CSMD1: variants seen among roughly 807,000 people sequenced by gnomAD.
The protein encoded by CSMD1 is CUB and Sushi multiple domains 1, also known as CUB and sushi domain-containing protein 1.
Under a neutral mutation model 417.5 loss-of-function variants are expected in CSMD1, and 213 were observed. The observed-to-expected ratio is 0.51, with a 90% CI of 0.46 to 0.57. The LOEUF (loss-of-function observed/expected upper bound fraction) is 0.57, where lower values mean the gene tolerates loss of function less well. CSMD1 is among the 20% of genes least tolerant of loss of function. CSMD1 has a pLI of 0.00. For missense variants in CSMD1, 6,923 were observed against 4,529.7 expected, an observed-to-expected ratio of 1.53 and a Z score of -15.17; for synonymous variants, 2,862 against 1,736.8, an observed-to-expected ratio of 1.65 and a Z score of -16.11.
chr8:3,276,127 T>G (rs1180962140), intron 26 of CSMD1, among the ~76,000 whole-genome samples: 1 of 152,190 alleles, frequency 6.6e-6, no homozygotes, highest in Non-Finnish European at 1.5e-5. Context: ...TCATTTCTGT[T>G]TGTTAGTTTT....
Position 4,951,443 on chromosome 8 carries a change from GGGAA to G in CSMD1, c.85+42885_85+42888del, listed in dbSNP as rs574475886. 1.0e-4 allele frequency among the ~76,000 whole-genome samples: 15 copies of G among 145,944 alleles called. No homozygotes were observed. The South Asian group carries it at 2.4e-3, about 23-fold the overall frequency. On this transcript the variant is annotated intron_variant, in intron 1 of 69. Coordinates refer to ENST00000635120, the MANE Select transcript of CSMD1 (RefSeq NM_033225.6). ...AAAAAAAAAGAAAAAGAAAGAAAGA[GGGAA>G]GGAAGGAAGGAAAGAAGGAAGGAAG...
At chr8:3,418,222 G>C (rs768457310) in intron 12 of CSMD1, among the ~76,000 whole-genome samples, 21 of 152,068 alleles carry the variant, frequency 1.4e-4, no homozygotes, top group Non-Finnish European at 2.6e-4. Context: ...CCCTTTTGTG[G>C]CCCCAGTGTG....
chr8:4,922,815 G>A (rs924771716), intron 1 of CSMD1, among the ~76,000 whole-genome samples: 3 of 152,100 alleles, frequency 2.0e-5, no homozygotes, highest in African/African-American at 7.2e-5. Flanking sequence ...TTCTACACAG[G>A]GAAATGACTT....
rs570619768 is a variant in CSMD1, at chr8:4,899,353, C to G, written c.85+94979G>C. Among the ~76,000 whole-genome samples, 30 of 151,866 alleles carry G rather than the reference C, an allele frequency of 2.0e-4. No individual in the cohort carries two copies. The East Asian group carries it at 5.2e-3, about 26-fold the overall frequency. On this transcript the variant is annotated intron_variant, in intron 1 of 69. Transcript: ENST00000635120. ...GTGGCATACACTAACAAAAAGTGAGCCACTCAAAATAAAGATGAAATATAC... is the reference window on the plus strand; with the variant it reads ...GTGGCATACACTAACAAAAAGTGAGGCACTCAAAATAAAGATGAAATATAC...
chr8:3,091,173 T>A (rs1814919142), intron 48 of CSMD1, among the ~76,000 whole-genome samples: 1 of 152,038 alleles, frequency 6.6e-6, no homozygotes. Context: ...TTAATAGAAA[T>A]ACAATTATCT....
At chr8:4,381,301 G>A (rs769247195) in intron 3 of CSMD1, among the ~76,000 whole-genome samples, 1 of 152,136 alleles carries the variant, frequency 6.6e-6, no homozygotes, top group South Asian at 2.1e-4. Context: ...GGAAACCACT[G>A]GGTGGGGAAT....
chr8:3,231,544 G>C (rs1007934611), intron 26 of CSMD1, among the ~76,000 whole-genome samples: 1 of 151,978 alleles, frequency 6.6e-6, no homozygotes, highest in African/African-American at 2.4e-5. Flanking sequence ...TAGATAAATG[G>C]AATAATAAAA....
chr8:4,972,334 G>A (rs545417356), intron 1 of CSMD1, among the ~76,000 whole-genome samples: 1 of 152,116 alleles, frequency 6.6e-6, no homozygotes, highest in Admixed American at 6.5e-5. Context: ...ATCCCCAAGT[G>A]TCAAGGGGGA....
At chr8:4,078,899 A>ATATG (rs1489055806) in intron 3 of CSMD1, among the ~76,000 whole-genome samples, 4 of 10,316 alleles carry the variant, frequency 3.9e-4, no homozygotes, top group African/African-American at 1.2e-3. Context: ...AATAATAAAT[A>ATATG]TATATATATA....
chr8:3,267,475 G>A (rs960006344), intron 26 of CSMD1, among the ~76,000 whole-genome samples: 9 of 152,306 alleles, frequency 5.9e-5, no homozygotes, highest in African/African-American at 2.2e-4. Context: ...TGGTAAACAA[G>A]CTGCCAGGCG....
chr8:4,165,209 C>A (rs1488246459), intron 3 of CSMD1, among the ~76,000 whole-genome samples: 1 of 152,190 alleles, frequency 6.6e-6, no homozygotes, highest in East Asian at 1.9e-4. Flanking sequence ...CAAAGAGCTA[C>A]ACACCCTCCA....
chr8:4,641,254 T>G (rs1431173047), intron 1 of CSMD1, among the ~76,000 whole-genome samples: 1 of 152,076 alleles, frequency 6.6e-6, no homozygotes, highest in Non-Finnish European at 1.5e-5. Context: ...GCCATAATTT[T>G]AGGCAACTGG....
intron 3 of CSMD1, among the ~76,000 whole-genome samples, chr8:4,270,241 A>C (rs1395295317): frequency 1.3e-5 from 2 of 152,102 alleles, no homozygotes; most frequent in Admixed American, 1.3e-4. Context: ...TTTCTTTCTC[A>C]TGTCTCTTAC....
chr8:3,536,519 C>A (rs890845224), intron 10 of CSMD1, among the ~76,000 whole-genome samples: 13 of 152,162 alleles, frequency 8.5e-5, no homozygotes, highest in African/African-American at 3.1e-4. Flanking sequence ...AGGGTATCTT[C>A]GAGGATTGGC....
chr8:4,366,342 G>C (rs991627862), intron 3 of CSMD1, among the ~76,000 whole-genome samples: 1 of 151,756 alleles, frequency 6.6e-6, no homozygotes, highest in African/African-American at 2.4e-5. Context: ...GGTGAACATC[G>C]TGGCTGATTC....
intron 26 of CSMD1, among the ~76,000 whole-genome samples, chr8:3,231,050 G>A (rs1296088273): frequency 6.6e-6 from 1 of 152,070 alleles, no homozygotes; most frequent in Non-Finnish European, 1.5e-5. Context: ...CATCGACTCT[G>A]CCTGCGCCTA....
intron 1 of CSMD1, among the ~76,000 whole-genome samples, chr8:4,943,854 G>C (rs981518722): frequency 1.3e-5 from 2 of 152,198 alleles, no homozygotes; most frequent in Admixed American, 6.5e-5. Context: ...AGCCAAGATA[G>C]AGCCATAAAT....
rs1378645833 is a variant in CSMD1, at chr8:3,348,140, T to C, written c.3326A>G (p.Lys1109Arg). The change falls in exon 22 of 70, where the codon AAA becomes AGA. Residue 1109 changes from lysine (K) to arginine (R), a missense_variant. Lys to Arg is a conservative substitution (Grantham distance 26). Coordinates refer to ENST00000635120, the MANE Select transcript of CSMD1 (RefSeq NM_033225.6). ...AGACAGTAATGTTCCTTCATTTCCT[T>C]TGACACTTGCTCCACATTCGGCTAC... ...RCVAECGASV[K>R]GNEGTLLSPN... is the part of the protein sequence containing the mutation. 3 of 1,612,382 alleles carry C rather than the reference T, an allele frequency of 1.9e-6. No individual in the cohort carries two copies. The highest frequency in any genetic ancestry group is 2.5e-6 in the Non-Finnish European group (3 of 1,179,204).
chr8:4,169,168 C>G (rs79525975), intron 3 of CSMD1, among the ~76,000 whole-genome samples: 1 of 152,138 alleles, frequency 6.6e-6, no homozygotes, highest in Non-Finnish European at 1.5e-5. Flanking sequence ...AACACCGTCT[C>G]TACGGTTTCA....
Sources: gnomAD v4.1 joint callset for allele counts (sites outside exome capture counted in the v4.1 genomes callset) on GRCh38, gnomAD v4.1.1 for gene constraint, MANE v1.5 for transcripts, NCBI Gene and HGNC (gene_info 2026-07-23, HGNC 2026-07-21) for gene names.